Variants in C9orf43 observed in about 807,000 individuals in gnomAD.
C9orf43 encodes the protein chromosome 9 open reading frame 43.
Under a neutral mutation model 59.1 loss-of-function variants are expected in C9orf43, and 45 were observed. That is an observed-to-expected ratio of 0.76 (90% CI 0.60 to 0.98). The LOEUF (loss-of-function observed/expected upper bound fraction) is 0.98. Ranked by LOEUF, C9orf43 falls within the 50% of genes least tolerant of loss-of-function variation. The pLI is 0.00. For synonymous variants in C9orf43, 203 were observed against 196.8 expected (o/e 1.03, Z -0.26); for missense variants, 533 against 554.9 (o/e 0.96, Z 0.40).
chr9:113,425,775 G>C (rs1828770548), intron 11 of C9orf43, 45 bp downstream of exon 11: 1 of 1,481,014 alleles, frequency 6.8e-7, no homozygotes, highest in Non-Finnish European at 9.4e-7. Context: ...GATCCCTGAG[G>C]GGTAGGTATC....
chr9:113,424,452 C>A, intron 8 of C9orf43, 136 bp downstream of exon 8: 1 of 893,052 alleles, frequency 1.1e-6, no homozygotes, highest in Non-Finnish European at 1.7e-6. Context: ...CCAGAGAAGG[C>A]TGGGCTCTAT....
chr9:113,413,756 T>C lies in C9orf43; in HGVS notation c.152-3T>C. The C allele has an allele frequency of 1.2e-6, 2 of 1,613,600 alleles. No individual in the cohort carries two copies. The highest frequency in any genetic ancestry group is 2.7e-5 in the African/African-American group (2 of 75,012). ...CATGTTTTCTTCTGGTCTGCCTTCT[T>C]AGATAAACTCCCAGTGCTCACCGTG... is the stretch of plus-strand genomic sequence containing the variant. On this transcript the variant is annotated splice_region_variant and splice_polypyrimidine_tract_variant and intron_variant, in intron 2 of 13. Coordinates refer to ENST00000374165, the MANE Select transcript of C9orf43 (RefSeq NM_001278629.2).
intron 6 of C9orf43, 148 bp from the exon 7 acceptor site, chr9:113,423,178 G>A (rs767317848): frequency 3.1e-6 from 2 of 652,416 alleles, no homozygotes; most frequent in Admixed American, 2.9e-5. Flanking sequence ...GAGCTTGAGA[G>A]GGAAACATGT....
rs1197486748 is a variant in C9orf43, at chr9:113,419,138, G to C, written c.318G>C (p.Leu106Phe). 4 of 1,609,880 alleles carry C rather than the reference G, an allele frequency of 2.5e-6. No homozygotes were observed. In the Admixed American group the frequency reaches 6.7e-5, roughly 27 times the overall value. ...CGAAGGGTTTACCTGACAAAAGTTT[G>C]ATCAACTGTACTAACAGACTTCCCA... ...RPPKGLPDKS[L>F]INCTNRLPKF... is the part of the protein sequence containing the mutation. The change falls in exon 4 of 14, where the codon TTG becomes TTC. Residue 106 changes from leucine to phenylalanine, a missense_variant. Transcript: ENST00000374165.
At chr9:113,415,432 T>C (rs756316774) in intron 3 of C9orf43, among the ~76,000 whole-genome samples, 57 of 152,322 alleles carry the variant, frequency 3.7e-4, no homozygotes, top group Middle Eastern at 3.4e-3. Context: ...GTTATGTATA[T>C]ATTTACCACA....
Position 113,413,553 on chromosome 9 carries a change from G to A in C9orf43, c.60G>A (p.Gln20=). ...CCACCTGTGGCTTGGCTGTTTGTCAGCACCCACAATGCTGGGCAACTATCC... is the reference window on the plus strand; with the variant it reads ...CCACCTGTGGCTTGGCTGTTTGTCAACACCCACAATGCTGGGCAACTATCC... ...DETTCGLAVC[Q]HPQCWATIRR... The change falls in exon 2 of 14, where the codon CAG becomes CAA. Residue 20 remains glutamine (Q), a synonymous_variant. Transcript: ENST00000374165. The A allele has an allele frequency of 6.2e-7, 1 of 1,614,176 alleles. No individual in the cohort carries two copies. The highest frequency in any genetic ancestry group is 1.1e-5 in the South Asian group (1 of 91,084).
At chr9:113,421,349 G>C (rs1318988621) in intron 5 of C9orf43, 146 bp downstream of exon 5, 9 of 605,718 alleles carry the variant, frequency 1.5e-5, no homozygotes, top group South Asian at 6.3e-5. Flanking sequence ...TGTTGCATCT[G>C]CCTTTTGCTA....
chr9:113,428,052 CAG>C (rs1828855265), intron 11 of C9orf43, 93 bp from the exon 12 acceptor site: 5 of 1,186,246 alleles, frequency 4.2e-6, no homozygotes, highest in South Asian at 1.2e-5. Flanking sequence ...TTCCTGGATG[CAG>C]AGTCACTTGT....
rs900561583 is a variant in C9orf43 at position 113,424,156 on chromosome 9, T to C, written c.657-10T>C. On this transcript the variant is annotated splice_polypyrimidine_tract_variant and intron_variant, in intron 7 of 13. Coordinates refer to ENST00000374165, the MANE Select transcript of C9orf43 (RefSeq NM_001278629.2). ...TTGCTGACTGTCTGGCTGTCCTCTG[T>C]CCCCTTCAGACTTTTGCCAGGTGGA... 27 of 1,599,692 alleles carry C rather than the reference T, an allele frequency of 1.7e-5. No homozygotes were observed. The highest frequency in any genetic ancestry group is 2.2e-5 in the Non-Finnish European group (26 of 1,173,918).
intron 3 of C9orf43, among the ~76,000 whole-genome samples, chr9:113,418,241 T>C (rs1330375278): frequency 6.6e-6 from 1 of 152,206 alleles, no homozygotes. Context: ...CTCTTCCCAG[T>C]CCCTGGTAAT....
Position 113,428,863 on chromosome 9 carries a change from C to T in C9orf43, c.1108-37C>T, listed in dbSNP as rs764068578. On this transcript the variant is annotated intron_variant, in intron 12 of 13. Transcript: ENST00000374165. The stretch of plus-strand genomic sequence containing the variant: ...AAAAATCCTTTTAGTTTCCTAAAGT[C>T]TTGATTCAAATTTCCTTATACCCCA... 1.9e-6 allele frequency: 3 copies of T among 1,560,716 alleles called. No individual in the cohort carries two copies. In the South Asian group the frequency reaches 3.3e-5, roughly 17 times the overall value.
chr9:113,421,033 A>G, intron 4 of C9orf43, 70 bp from the exon 5 acceptor site: 1 of 1,225,112 alleles, frequency 8.2e-7, no homozygotes, highest in Non-Finnish European at 1.2e-6. Context: ...CTCTTTGCTT[A>G]GCATATCCTT....
chr9:113,411,308 T>C (rs573017224), intron 1 of C9orf43, among the ~76,000 whole-genome samples: 2 of 152,210 alleles, frequency 1.3e-5, no homozygotes, highest in South Asian at 4.1e-4. Context: ...GTTTCTTTTT[T>C]TTTTTTTTTG....
intron 3 of C9orf43, among the ~76,000 whole-genome samples, chr9:113,416,514 CT>C (rs1828363247): frequency 6.6e-6 from 1 of 152,174 alleles, no homozygotes; most frequent in Admixed American, 6.5e-5. Flanking sequence ...CTGTAAGGCC[CT>C]ACGAGATCTG....
rs113383993 is a variant in C9orf43 at position 113,422,412 on chromosome 9, T to C, written c.447-137T>C. On this transcript the variant is annotated intron_variant, in intron 5 of 13. Transcript: ENST00000374165. ...GCTATCTTTGAGTACTGATCAAAGA[T>C]AGGAATCTTTGTGGTCATCATTCAC... The C allele has an allele frequency of 1.2e-5, 15 of 1,250,738 alleles. No individual in the cohort carries two copies. The African/African-American group carries it at 1.5e-4, about 13-fold the overall frequency. The allele number at this position is 1,250,738 out of a possible 1,614,324, so 77.5% of individuals were successfully genotyped here. A position where few individuals can be genotyped will look rare whatever the true frequency, so the allele number is the denominator to read the frequency against.
At chr9:113,422,118 A>T (rs1042838797) in intron 5 of C9orf43, among the ~76,000 whole-genome samples, 3 of 152,196 alleles carry the variant, frequency 2.0e-5, no homozygotes, top group Non-Finnish European at 4.4e-5. Context: ...AGCAAAAAAT[A>T]CTTCTTACCA....
Position 113,428,884 on chromosome 9 carries a change from C to T in C9orf43, c.1108-16C>T, listed in dbSNP as rs1223185833. 7 of 1,605,840 alleles carry T rather than the reference C, an allele frequency of 4.4e-6. No homozygotes were observed. The highest frequency in any genetic ancestry group is 1.7e-5 in the Admixed American group (1 of 59,964). ...AAGTCTTGATTCAAATTTCCTTATA[C>T]CCCAATGAATTTCAGGATTCCACGG... On this transcript the variant is annotated splice_polypyrimidine_tract_variant and intron_variant, in intron 12 of 13. Coordinates refer to ENST00000374165, the MANE Select transcript of C9orf43 (RefSeq NM_001278629.2).
intron 3 of C9orf43, among the ~76,000 whole-genome samples, chr9:113,415,794 T>C (rs909717578): frequency 5.9e-5 from 9 of 152,226 alleles, no homozygotes; most frequent in African/African-American, 2.2e-4. Context: ...AAGACTTTGT[T>C]ACCTGGAATA....
At position 113,429,439 on chromosome 9, in the gene C9orf43, A is replaced by AT; in HGVS notation, c.*53_*54insT. On this transcript the variant is annotated 3_prime_UTR_variant, in exon 14 of 14. Transcript: ENST00000374165. Reference sequence around the variant, plus strand: ...CATCCCCTGGGGCAGCCGTGTTCCAAAGCGGGATGGCTGGTATCCTGAGGG... The same window carrying AT: ...CATCCCCTGGGGCAGCCGTGTTCCAATAGCGGGATGGCTGGTATCCTGAGGG... 6.6e-7 allele frequency: 1 copy of AT among 1,524,554 alleles called. No individual in the cohort carries two copies. Among genetic ancestry groups the AT allele is most frequent in the Non-Finnish European group, 9.0e-7 (1 of 1,105,606 alleles). The allele number at this position is 1,524,554 out of a possible 1,614,324, so 94.4% of individuals were successfully genotyped here.
Sources: gnomAD v4.1 joint callset for allele counts (sites outside exome capture counted in the v4.1 genomes callset) on GRCh38, gnomAD v4.1.1 for gene constraint, MANE v1.5 for transcripts, NCBI Gene and HGNC (gene_info 2026-07-23, HGNC 2026-07-21) for gene names.